GATA4: variants seen among roughly 807,000 people sequenced by gnomAD.
GATA4 encodes the protein GATA binding protein 4, also known as transcription factor GATA-4.
Under a neutral mutation model 37.9 loss-of-function variants are expected in GATA4, and 7 were observed. The ratio of observed to expected loss-of-function variants is 0.18; its 90% CI spans 0.11 to 0.35. The LOEUF (loss-of-function observed/expected upper bound fraction) is 0.35. Ranked by LOEUF, GATA4 falls within the 10% of genes least tolerant of loss-of-function variation. GATA4 has a pLI of 1.00. For missense variants in GATA4, 647 were observed against 653.0 expected, an observed-to-expected ratio of 0.99 and a Z score of 0.10; for synonymous variants, 372 against 292.6, an observed-to-expected ratio of 1.27 and a Z score of -2.77.
Position 11,682,654 on chromosome 8 carries a change from G to A in GATA4, c.-274+5591G>A, listed in dbSNP as rs1239826004. On this transcript the variant is annotated intron_variant, in intron 1 of 6. Transcript: ENST00000528712. ...CCTTGAAGAAACAAAATTTTTAACGGGGAAAAACTTGACCATGAGAAATTC... is the reference window on the plus strand; with the variant it reads ...CCTTGAAGAAACAAAATTTTTAACGAGGAAAAACTTGACCATGAGAAATTC... Among the ~76,000 whole-genome samples the A allele has an allele frequency of 3.9e-5, 6 of 152,106 alleles. No individual in the cohort carries two copies. In the East Asian group the frequency reaches 1.2e-3, roughly 29 times the overall value.
chr8:11,688,513 C>T (rs560211887), upstream of GATA4, among the ~76,000 whole-genome samples: 14 of 133,442 alleles, frequency 1.0e-4, no homozygotes, highest in East Asian at 1.2e-3. Context: ...CATGCATGCG[C>T]GTGCGCGCAT....
At chr8:11,736,805 A>G (rs114936021) in intron 2 of GATA4, among the ~76,000 whole-genome samples, 1 of 152,358 alleles carries the variant, frequency 6.6e-6, no homozygotes, top group African/African-American at 2.4e-5. Context: ...GATATTATCT[A>G]GATTCTTTTC....
intron 2 of GATA4, among the ~76,000 whole-genome samples, chr8:11,745,999 G>T (rs1317712378): frequency 1.3e-5 from 2 of 152,146 alleles, no homozygotes; most frequent in Non-Finnish European, 2.9e-5. Context: ...GAAAAATAGG[G>T]CTGGGTGCAG....
intron 6 of GATA4, among the ~76,000 whole-genome samples, chr8:11,757,452 A>T (rs759393777): frequency 6.6e-6 from 1 of 152,112 alleles, no homozygotes; most frequent in Non-Finnish European, 1.5e-5. Flanking sequence ...GTACAACCTG[A>T]ATGAGACTGC....
At chr8:11,728,835 C>T (rs768374604) in intron 2 of GATA4, among the ~76,000 whole-genome samples, 3 of 152,176 alleles carry the variant, frequency 2.0e-5, no homozygotes, top group Non-Finnish European at 2.9e-5. Context: ...AGGTCATAGA[C>T]CCCATATCCA....
chr8:11,732,764 C>G (rs1219350740), intron 2 of GATA4, among the ~76,000 whole-genome samples: 2 of 152,092 alleles, frequency 1.3e-5, no homozygotes, highest in African/African-American at 4.8e-5. Flanking sequence ...TCCCCGAAGA[C>G]CAGCACATCA....
chr8:11,704,367 C>G (rs1264822939), intron 1 of GATA4, 63 bp downstream of exon 1: 1 of 152,268 alleles, frequency 6.6e-6, no homozygotes. Context: ...GGAGCTTCTC[C>G]GCCTTTGCTT....
At chr8:11,714,668 G>A (rs1428008633) in intron 2 of GATA4, among the ~76,000 whole-genome samples, 1 of 152,214 alleles carries the variant, frequency 6.6e-6, no homozygotes, top group African/African-American at 2.4e-5. Context: ...CACTTGCCCA[G>A]TTGTGTCCCA....
intron 2 of GATA4, among the ~76,000 whole-genome samples, chr8:11,733,640 C>G (rs1203179601): frequency 4.9e-4 from 75 of 152,306 alleles, no homozygotes; most frequent in Non-Finnish European, 1.6e-4. Context: ...ACTAATAAAT[C>G]CTCTTCGAAG....
intron 2 of GATA4, among the ~76,000 whole-genome samples, chr8:11,719,027 A>G (rs997506157): frequency 6.6e-6 from 1 of 152,246 alleles, no homozygotes; most frequent in Non-Finnish European, 1.5e-5. Context: ...ATCTTATGAT[A>G]TCTGTCATTT....
chr8:11,691,788 G>T (rs1013929548), upstream of GATA4, among the ~76,000 whole-genome samples: 3 of 152,030 alleles, frequency 2.0e-5, no homozygotes, highest in African/African-American at 7.2e-5. Flanking sequence ...GCAACCTGGG[G>T]TCCCTCCCTC....
At position 11,707,117 on chromosome 8, in the gene GATA4, C is replaced by T. The variant is rs989966692; in HGVS notation, c.-457-739C>T. On this transcript the variant is annotated intron_variant, in intron 1 of 6. Coordinates refer to ENST00000532059, the MANE Select transcript of GATA4 (RefSeq NM_001308093.3). The surrounding 1 kb of genome is among the most constrained non-coding windows in gnomAD (Gnocchi z 4.7). ...TGGTCCAGTGGGTTATTCTGTAGAG[C>T]GGCATTGTACATTCTTCTCACTTTT... Among the ~76,000 whole-genome samples, 3 of 152,142 alleles carry T rather than the reference C, an allele frequency of 2.0e-5. No individual in the cohort carries two copies. The highest frequency in any genetic ancestry group is 2.9e-5 in the Non-Finnish European group (2 of 68,036).
chr8:11,705,292 G>A (rs922819558), intron 1 of GATA4, among the ~76,000 whole-genome samples: 2 of 152,182 alleles, frequency 1.3e-5, no homozygotes, highest in African/African-American at 4.8e-5. Flanking sequence ...GGGTGTGGAG[G>A]TGATGCTCCG....
chr8:11,755,196 TC>T, intron 5 of GATA4, 63 bp downstream of exon 5: 1 of 1,368,170 alleles, frequency 7.3e-7, no homozygotes. Flanking sequence ...TGCCTAAGAA[TC>T]ATATCTTCCG....
chr8:11,727,733 AG>A (rs1801003801), intron 2 of GATA4, among the ~76,000 whole-genome samples: 1 of 151,936 alleles, frequency 6.6e-6, no homozygotes, highest in Admixed American at 6.6e-5. Flanking sequence ...GGCCCCAGCT[AG>A]GGAGGCTGCG....
intron 2 of GATA4, among the ~76,000 whole-genome samples, chr8:11,737,465 A>G (rs1023071526): frequency 1.3e-5 from 2 of 152,176 alleles, no homozygotes; most frequent in Non-Finnish European, 2.9e-5. Flanking sequence ...CCAGCTCCTA[A>G]CTGGGGTTGC....
At chr8:11,692,171 C>G (rs1363167553), upstream of GATA4, 4 of 380,570 alleles carry the variant, frequency 1.1e-5, no homozygotes, top group Non-Finnish European at 1.4e-5. Flanking sequence ...AGCCTCACTC[C>G]TACTTCCCCA....
chr8:11,698,499 T>C (rs1799572686), intron 1 of GATA4, among the ~76,000 whole-genome samples: 1 of 152,172 alleles, frequency 6.6e-6, no homozygotes, highest in African/African-American at 2.4e-5. Context: ...GGTCTCTGCC[T>C]GTCCTCCTCT....
At chr8:11,755,208 G>A in intron 5 of GATA4, 75 bp downstream of exon 5, 1 of 1,289,198 alleles carries the variant, frequency 7.8e-7, no homozygotes, top group Admixed American at 1.8e-5. Flanking sequence ...ATATCTTCCG[G>A]GTTAGGCAGG....
Sources: gnomAD v4.1 joint callset for allele counts (sites outside exome capture counted in the v4.1 genomes callset) on GRCh38, gnomAD v4.1.1 for gene constraint, Gnocchi (gnomAD v3.1) non-coding constraint, MANE v1.5 for transcripts, NCBI Gene and HGNC (gene_info 2026-07-23, HGNC 2026-07-21) for gene names.